The following FAM98A variants were observed in gnomAD, a reference collection of about 807,000 sequenced individuals.
FAM98A encodes the protein tRNA splicing ligase complex subunit 3A, also known as protein FAM98A.
Under a neutral mutation model 62.9 loss-of-function variants are expected in FAM98A, and 25 were observed. The ratio of observed to expected loss-of-function variants is 0.40; its 90% confidence interval spans 0.29 to 0.56. FAM98A has a LOEUF of 0.56. Ranked by LOEUF, FAM98A falls within the 20% of genes least tolerant of loss-of-function variation. The pLI, the probability that FAM98A is intolerant of heterozygous loss-of-function variation, is 0.51. For missense variants in FAM98A, 653 were observed against 640.7 expected (o/e 1.02, Z -0.21); for synonymous variants, 252 against 228.6 (o/e 1.10, Z -0.92).
At chr2:33,594,256 G>A (rs1034190964) in intron 2 of FAM98A, among the ~76,000 whole-genome samples, 9 of 151,756 alleles carry the variant, frequency 5.9e-5, no homozygotes, top group African/African-American at 9.7e-5. Context: ...CAACTAACAC[G>A]TACACATTAA....
Position 33,584,795 on chromosome 2 carries a change from C to G in FAM98A, c.1538G>C (p.Gly513Ala), listed in dbSNP as rs1677495770. 1 of 1,605,546 alleles carries G rather than the reference C, an allele frequency of 6.2e-7. No individual in the cohort carries two copies. Among genetic ancestry groups the G allele is most frequent in the Non-Finnish European group, 8.5e-7 (1 of 1,173,322 alleles). The change falls in exon 8 of 8, where the codon GGA becomes GCA. Residue 513 changes from glycine to alanine, a missense_variant. By Grantham distance (60) the Gly-to-Ala change is moderately conservative (BLOSUM62 0). Coordinates refer to ENST00000238823, the MANE Select transcript of FAM98A (RefSeq NM_015475.5). ...YQYNHSGFGQ[G>A]RHYTS The stretch of plus-strand genomic sequence containing the variant: ...GTAGCCTCAACTAGTGTAATGTCTT[C>G]CCTGTCCAAATCCAGAATGATTATA...
At chr2:33,592,374 T>C (rs1343758010) in intron 2 of FAM98A, among the ~76,000 whole-genome samples, 160 bp from the exon 3 acceptor site, 1 of 152,178 alleles carries the variant, frequency 6.6e-6, no homozygotes, top group Non-Finnish European at 1.5e-5. Flanking sequence ...GTTTCTTCTT[T>C]TTTTTTCTTT....
intron 1 of FAM98A, among the ~76,000 whole-genome samples, chr2:33,598,316 GGTAA>G (rs1677861179): frequency 6.6e-6 from 1 of 152,200 alleles, no homozygotes; most frequent in African/African-American, 2.4e-5. Flanking sequence ...CGTACCTGTA[GGTAA>G]GTATCTAACC....
chr2:33,596,764 C>T (rs1490147608), intron 1 of FAM98A, among the ~76,000 whole-genome samples: 12 of 151,864 alleles, frequency 7.9e-5, no homozygotes, highest in Admixed American at 7.2e-4. Context: ...TGGTGGAGGG[C>T]GCCTGTAGTC....
rs748987315 is a variant in FAM98A, at chr2:33,597,834, C to A, written c.53+1335G>T. The stretch of plus-strand genomic sequence containing the variant: ...CATATTTTCCCAGTATCCTGTGAAC[C>A]CCTCTTCCACCTCACCTTGTACTCT... On this transcript the variant is annotated intron_variant, in intron 1 of 7. Transcript: ENST00000238823. Among the ~76,000 whole-genome samples, 3 of 152,296 alleles carry A rather than the reference C, an allele frequency of 2.0e-5. No homozygotes were observed. The East Asian group carries it at 5.8e-4, about 29-fold the overall frequency.
In FAM98A at chr2:33,595,584, C is replaced by G; in HGVS notation, c.107G>C (p.Gly36Ala). 1.2e-6 allele frequency: 2 copies of G among 1,606,750 alleles called. No individual in the cohort carries two copies. The highest frequency in any genetic ancestry group is 1.1e-5 in the South Asian group (1 of 89,898). ...TTTGGTAAACTCGGGGGAACTGGCT[C>G]CAGCAGAGACTGCCTGAGAGAGCGC... ...DGALSQAVSA[G>A]ASSPEFTKLC... Residue 36 changes from glycine to alanine, a missense_variant, in exon 2 of 8, where the codon GGA becomes GCA. Transcript: ENST00000238823.
chr2:33,593,240 A>C (rs950579018), intron 2 of FAM98A, among the ~76,000 whole-genome samples: 3 of 152,124 alleles, frequency 2.0e-5, no homozygotes, highest in African/African-American at 7.2e-5. Flanking sequence ...CCCGTCTCTA[A>C]GAAAAATAAC....
At position 33,584,617 on chromosome 2, in the gene FAM98A, AT is replaced by A; in HGVS notation, c.*158del. 3 of 645,706 alleles carry A rather than the reference AT, an allele frequency of 4.6e-6. 1 individual carries two copies. The highest frequency in any genetic ancestry group is 5.2e-5 in the East Asian group (2 of 38,790). 40.0% of individuals were successfully genotyped at this position (645,706 alleles called of 1,614,324 possible). On this transcript the variant is annotated 3_prime_UTR_variant, in exon 8 of 8. Coordinates refer to ENST00000238823, the MANE Select transcript of FAM98A (RefSeq NM_015475.5). ...GGCATTATGTAAGTCCAATAAAAAAATCTAACAGAATTGAATGAAGACCTAC... is the reference window on the plus strand; with the variant it reads ...GGCATTATGTAAGTCCAATAAAAAAACTAACAGAATTGAATGAAGACCTAC...
chr2:33,595,580 G>C lies in FAM98A; in HGVS notation c.111C>G (p.Ala37=). The C allele has an allele frequency of 6.2e-7, 1 of 1,607,676 alleles. No homozygotes were observed. The part of the protein sequence containing the change: ...GALSQAVSAG[A]SSPEFTKLCA... ...AGAGTTTGGTAAACTCGGGGGAACT[G>C]GCTCCAGCAGAGACTGCCTGAGAGA... Residue 37 remains alanine (A), a synonymous_variant, in exon 2 of 8, where the codon GCC becomes GCG. Transcript: ENST00000238823.
At chr2:33,588,765 C>T (rs1677612014) in intron 3 of FAM98A, 1 of 270,668 alleles carries the variant, frequency 3.7e-6, no homozygotes, top group Non-Finnish European at 6.8e-6. Context: ...CTCTTTGAAA[C>T]CGAAGGATCG....
At chr2:33,594,571 AT>A (rs1677751817) in intron 2 of FAM98A, among the ~76,000 whole-genome samples, 1 of 137,952 alleles carries the variant, frequency 7.2e-6, no homozygotes, top group Admixed American at 7.3e-5. Flanking sequence ...TTATATATAT[AT>A]ATATACACAC....
chr2:33,585,618 T>C lies in FAM98A; in HGVS notation c.800A>G (p.His267Arg). Residue 267 changes from histidine to arginine, a missense_variant, in exon 7 of 8, where the codon CAT becomes CGT. Physicochemically the swap from His to Arg is conservative, Grantham distance 29 (BLOSUM62 0). Coordinates refer to ENST00000238823, the MANE Select transcript of FAM98A (RefSeq NM_015475.5). The part of the protein sequence containing the change: ...LSPKTTISVA[H>R]LLAARQDLSK... Reference sequence around the variant, plus strand: ...CAAGTCCTGCCTTGCAGCCAAAAGATGGGCAACAGAAATAGTAGTTTTAGG... The same window carrying C: ...CAAGTCCTGCCTTGCAGCCAAAAGACGGGCAACAGAAATAGTAGTTTTAGG... 6.2e-7 allele frequency: 1 copy of C among 1,614,180 alleles called. No individual in the cohort carries two copies. Among genetic ancestry groups the C allele is most frequent in the Non-Finnish European group, 8.5e-7 (1 of 1,180,036 alleles).
Position 33,592,156 on chromosome 2 carries a change from G to C in FAM98A, c.261C>G (p.Asn87Lys). Residue 87 changes from asparagine to lysine, a missense_variant, in exon 3 of 8, where the codon AAC becomes AAG. Transcript: ENST00000238823. ...CAGATGTCAGTGAAAGATACGGGCA[G>C]TTCATCTCCCCTAGTAGCCCACTCA... ...LEVSGLLGEM[N>K]CPYLSLTSGD... The C allele has an allele frequency of 6.2e-7, 1 of 1,613,308 alleles. No individual in the cohort carries two copies. The highest frequency in any genetic ancestry group is 8.5e-7 in the Non-Finnish European group (1 of 1,179,360).
chr2:33,588,581 G>T, intron 3 of FAM98A, 62 bp from the exon 4 acceptor site: 1 of 1,406,240 alleles, frequency 7.1e-7, no homozygotes, highest in Non-Finnish European at 9.8e-7. Flanking sequence ...CATAAGTCTG[G>T]AGTCACAACT....
chr2:33,597,439 C>G (rs1677837794), intron 1 of FAM98A, among the ~76,000 whole-genome samples: 1 of 152,158 alleles, frequency 6.6e-6, no homozygotes, highest in South Asian at 2.1e-4. Context: ...TTGAATGCCA[C>G]CAAACTAAGT....
intron 1 of FAM98A, among the ~76,000 whole-genome samples, chr2:33,596,107 A>T (rs1677805704): frequency 6.6e-6 from 1 of 152,234 alleles, no homozygotes; most frequent in South Asian, 2.1e-4. Flanking sequence ...TTGCACTGTC[A>T]CATAGGCTGA....
chr2:33,597,630 G>A (rs1044925687), intron 1 of FAM98A, among the ~76,000 whole-genome samples: 9 of 152,172 alleles, frequency 5.9e-5, no homozygotes, highest in African/African-American at 1.2e-4. Flanking sequence ...AACAGCATCC[G>A]TGGCCAATTC....
At chr2:33,596,890 T>G (rs1572421161) in intron 1 of FAM98A, among the ~76,000 whole-genome samples, 1 of 24,804 alleles carries the variant, frequency 4.0e-5, no homozygotes, top group Non-Finnish European at 7.1e-5. Context: ...AGACTCCGTA[T>G]CAAAAAAAAA....
chr2:33,588,410 T>G lies in FAM98A; in HGVS notation c.447A>C (p.Ile149=). ...GSEVFQELKG[I]CIALGMSKPP... Reference sequence around the variant, plus strand: ...GTTTGGACATTCCTAGAGCAATACATATGCCTTTCAACTCTTGAAAGACCT... The same window carrying G: ...GTTTGGACATTCCTAGAGCAATACAGATGCCTTTCAACTCTTGAAAGACCT... Residue 149 remains isoleucine (I), a synonymous_variant, in exon 4 of 8, where the codon ATA becomes ATC. Coordinates refer to ENST00000238823, the MANE Select transcript of FAM98A (RefSeq NM_015475.5). 1 of 1,613,740 alleles carries G rather than the reference T, an allele frequency of 6.2e-7. No individual in the cohort carries two copies. Among genetic ancestry groups the G allele is most frequent in the Non-Finnish European group, 8.5e-7 (1 of 1,179,690 alleles).
Sources: gnomAD v4.1 joint callset for allele counts (sites outside exome capture counted in the v4.1 genomes callset) on GRCh38, gnomAD v4.1.1 for gene constraint, MANE v1.5 for transcripts, NCBI Gene and HGNC (gene_info 2026-07-23, HGNC 2026-07-21) for gene names.